The following PIGN variants were observed in gnomAD, a reference collection of about 807,000 sequenced individuals.
The protein encoded by PIGN is GPI ethanolamine phosphate transferase 1.
A neutral mutation model predicts 125.4 loss-of-function variants in PIGN; 117 were observed. The observed-to-expected ratio is 0.93, with a 90% CI of 0.80 to 1.09. PIGN has a LOEUF of 1.09. Ranked by LOEUF, PIGN falls within the 50% of genes least tolerant of loss-of-function variation. The pLI is 0.00. For synonymous variants in PIGN, 392 were observed against 377.8 expected (o/e 1.04, Z -0.44); for missense variants, 1,075 against 1,094.9 (o/e 0.98, Z 0.26).
chr18:62,084,216 T>C lies in PIGN; in HGVS notation c.2502+315A>G, dbSNP rs528604245. Among the ~76,000 whole-genome samples, 12 of 152,348 alleles carry C rather than the reference T, an allele frequency of 7.9e-5. No individual in the cohort carries two copies. The South Asian group carries it at 2.5e-3, about 32-fold the overall frequency. ...TTGGCAATCTCATGGGTAGAGAACA[T>C]GGGTTCAGGGAACCTTATACTCTTT... On this transcript the variant is annotated intron_variant, in intron 27 of 30. Transcript: ENST00000640252.
chr18:62,092,321 C>T (rs1397906857), intron 23 of PIGN, among the ~76,000 whole-genome samples: 1 of 152,038 alleles, frequency 6.6e-6, no homozygotes, highest in Non-Finnish European at 1.5e-5. Flanking sequence ...AATAGTACCC[C>T]TCATATATAG....
chr18:62,154,262 A>G (rs1488201863), intron 7 of PIGN: 2 of 449,492 alleles, frequency 4.4e-6, no homozygotes, highest in Non-Finnish European at 7.7e-6. Context: ...ATGGTCAATG[A>G]AAGATCAAAA....
At chr18:62,050,529 G>C (rs1468055007) in intron 30 of PIGN, among the ~76,000 whole-genome samples, 1 of 151,128 alleles carries the variant, frequency 6.6e-6, no homozygotes, top group Non-Finnish European at 1.5e-5. Context: ...AAGAATGCTT[G>C]TGATTTTTGT....
At chr18:62,148,777 C>T (rs1432685412) in intron 7 of PIGN, among the ~76,000 whole-genome samples, 5 of 152,070 alleles carry the variant, frequency 3.3e-5, no homozygotes, top group African/African-American at 7.2e-5. Context: ...CTAGTCCAAC[C>T]GTAATCTCTA....
In PIGN at chr18:62,082,681, C is replaced by T. The variant is rs539259082; in HGVS notation, c.2568G>A (p.Ser856=). 33 of 1,527,810 alleles carry T rather than the reference C, an allele frequency of 2.2e-5. 1 individual carries two copies. The highest frequency in any genetic ancestry group is 2.0e-4 in the South Asian group (17 of 83,028). The allele number at this position is 1,527,810 out of a possible 1,614,324, so 94.6% of individuals were successfully genotyped here. The part of the protein sequence containing the change: ...FEAVQLTTQL[S]SKSLFLIVLV... ...AAACTAATTCATCTTACCTTTTTGA[C>T]GATAACTGAGTAGTCAACTGAACTG... Residue 856 remains serine, a synonymous_variant, in exon 28 of 31, where the codon TCG becomes TCA. Coordinates refer to ENST00000640252, the MANE Select transcript of PIGN (RefSeq NM_176787.5).
intron 10 of PIGN, 86 bp downstream of exon 10, chr18:62,145,823 A>C: frequency 1.4e-6 from 1 of 699,098 alleles, no homozygotes; most frequent in East Asian, 2.8e-5. Context: ...TTACAACTAA[A>C]ATTTGAAGAG....
chr18:62,051,199 G>A (rs368064261), intron 30 of PIGN, among the ~76,000 whole-genome samples: 1 of 151,874 alleles, frequency 6.6e-6, no homozygotes, highest in African/African-American at 2.4e-5. Context: ...TTGGTATCAG[G>A]ATGATGCTGG....
chr18:62,086,376 A>G (rs11665280), intron 25 of PIGN, among the ~76,000 whole-genome samples: 1 of 152,058 alleles, frequency 6.6e-6, no homozygotes, highest in Non-Finnish European at 1.5e-5. Context: ...CCCAGCACTT[A>G]GGGAGGCTGA....
At chr18:62,174,509 C>T (rs2037452543) in intron 1 of PIGN, 1 of 152,008 alleles carries the variant, frequency 6.6e-6, no homozygotes, top group African/African-American at 2.4e-5. Context: ...AGCTGAAGGC[C>T]AGAGACATGA....
intron 1 of PIGN, among the ~76,000 whole-genome samples, chr18:62,165,011 T>C (rs1014304199): frequency 6.6e-6 from 1 of 152,176 alleles, no homozygotes; most frequent in Admixed American, 6.5e-5. Flanking sequence ...TTTGACCCCA[T>C]TGTGGCTGTG....
At chr18:62,186,086 T>C in intron 1 of PIGN, among the ~76,000 whole-genome samples, 1 of 142,170 alleles carries the variant, frequency 7.0e-6, no homozygotes, top group African/African-American at 2.6e-5. Context: ...AGTCTCGTTC[T>C]GTCGCCCAGG....
chr18:62,136,647 G>A (rs772280849), intron 14 of PIGN: 11 of 152,758 alleles, frequency 7.2e-5, no homozygotes, highest in Non-Finnish European at 1.0e-4. Context: ...GTGCCCGGCC[G>A]CCTTTCTAAT....
intron 7 of PIGN, among the ~76,000 whole-genome samples, chr18:62,149,406 G>C (rs1315118438): frequency 2.0e-5 from 3 of 152,036 alleles, no homozygotes; most frequent in Non-Finnish European, 2.9e-5. Context: ...AGAATTAAAA[G>C]TTAAACACAT....
At chr18:62,146,579 C>T in intron 9 of PIGN, among the ~76,000 whole-genome samples, 1 of 152,182 alleles carries the variant, frequency 6.6e-6, no homozygotes, top group East Asian at 1.9e-4. Context: ...GCACACATTG[C>T]ATTTGCCTTG....
intron 23 of PIGN, 124 bp downstream of exon 23, chr18:62,095,724 A>G (rs2034151724): frequency 1.6e-6 from 1 of 615,502 alleles, no homozygotes; most frequent in Non-Finnish European, 2.9e-6. Context: ...GAAAATATTT[A>G]TAATGTATCC....
chr18:62,058,070 G>A (rs2145318999), intron 30 of PIGN, among the ~76,000 whole-genome samples: 1 of 76,646 alleles, frequency 1.3e-5, no homozygotes, highest in South Asian at 6.0e-4. Flanking sequence ...CCCAGCACCT[G>A]CCACTGAAGG....
intron 30 of PIGN, among the ~76,000 whole-genome samples, chr18:62,054,563 T>C (rs35044074): frequency 0.33 from 49,454 of 148,456 alleles, 9,154 homozygotes; most frequent in East Asian, 0.63. Context: ...ATGATCATAG[T>C]TCACTGCAGC....
chr18:62,091,084 T>C (rs2033934141), intron 23 of PIGN, among the ~76,000 whole-genome samples: 1 of 152,188 alleles, frequency 6.6e-6, no homozygotes, highest in South Asian at 2.1e-4. Flanking sequence ...GCGTGGTGGT[T>C]CATGCCTGTA....
At position 62,167,562 on chromosome 18, in the gene PIGN, G is replaced by C. The variant is rs191623586; in HGVS notation, c.-235-3906C>G. On this transcript the variant is annotated intron_variant, in intron 1 of 30. Transcript: ENST00000640252. The stretch of plus-strand genomic sequence containing the variant: ...CAGGAGAATCGCTTGAACCTGCGAG[G>C]CAGAGGCTGCAGTGAGCCAAGATCG... Among the ~76,000 whole-genome samples the C allele has an allele frequency of 1.8e-3, 275 of 150,542 alleles. 3 individuals carry two copies. Among genetic ancestry groups the C allele is most frequent in the African/African-American group, 6.5e-3 (266 of 40,892 alleles).
Sources: allele counts gnomAD v4.1 joint callset (sites outside exome capture counted in the v4.1 genomes callset), GRCh38; gene constraint gnomAD v4.1.1; transcripts MANE v1.5; gene names NCBI Gene and HGNC (gene_info 2026-07-23, HGNC 2026-07-21).